TGM5: variants seen among roughly 807,000 people sequenced by gnomAD.
The protein encoded by TGM5 is protein-glutamine gamma-glutamyltransferase 5.
A neutral mutation model predicts 77.2 loss-of-function variants in TGM5; 69 were observed. The observed-to-expected ratio is 0.89, with a 90% CI of 0.74 to 1.09. The LOEUF (loss-of-function observed/expected upper bound fraction) is 1.09. Among genes scored for constraint, TGM5 ranks in the 50% least tolerant of loss-of-function variants. The probability of loss-of-function intolerance (pLI) is 0.00; values close to 1 mark genes in which losing one functional copy is unlikely to be tolerated. For synonymous variants in TGM5, 346 were observed against 351.8 expected, an observed-to-expected ratio of 0.98 and a Z score of 0.18; for missense variants, 842 against 896.5, an observed-to-expected ratio of 0.94 and a Z score of 0.78.
intron 3 of TGM5, among the ~76,000 whole-genome samples, chr15:43,259,579 C>T (rs943645306): frequency 6.6e-6 from 1 of 152,072 alleles, no homozygotes; most frequent in Admixed American, 6.5e-5. Context: ...TAAAACTACA[C>T]AAGAAAATGT....
At chr15:43,254,209 G>C (rs567161654) in intron 4 of TGM5, among the ~76,000 whole-genome samples, 4 of 152,148 alleles carry the variant, frequency 2.6e-5, no homozygotes, top group Non-Finnish European at 5.9e-5. Context: ...GGCCTTCCCC[G>C]AGCCTGAGCC....
rs1359332758 is a variant in TGM5, at chr15:43,235,773, A to G, written c.1410T>C (p.His470=). The part of the protein sequence containing the change: ...ALQKLKARSF[H]GSQRGAELQP... ...GCAACTCTGCTCCTCTTTGGGAGCC[A>G]TGGAAGCTTCTAGCCTTCAGCTTCT... The change falls in exon 10 of 13, where the codon CAT becomes CAC. Residue 470 remains histidine (H), a synonymous_variant. Coordinates refer to ENST00000220420, the MANE Select transcript of TGM5 (RefSeq NM_201631.4). The G allele has an allele frequency of 3.1e-6, 5 of 1,614,088 alleles. No homozygotes were observed. The highest frequency in any genetic ancestry group is 4.2e-6 in the Non-Finnish European group (5 of 1,180,032).
chr15:43,252,665 G>A, intron 6 of TGM5, 94 bp downstream of exon 6: 5 of 1,482,096 alleles, frequency 3.4e-6, no homozygotes, highest in Non-Finnish European at 4.7e-6. Context: ...CCCTTGGTGG[G>A]AACTGTGTGG....
chr15:43,259,950 C>T, intron 3 of TGM5, 102 bp downstream of exon 3: 2 of 1,563,528 alleles, frequency 1.3e-6, no homozygotes, highest in Non-Finnish European at 1.7e-6. Context: ...ATTGAGGAGG[C>T]TCTGGGTGGC....
Position 43,240,900 on chromosome 15 carries a change from T to A in TGM5, c.953A>T (p.Tyr318Phe), listed in dbSNP as rs1566830155. 1 of 1,614,208 alleles carries A rather than the reference T, an allele frequency of 6.2e-7. No individual in the cohort carries two copies. The highest frequency in any genetic ancestry group is 1.7e-5 in the Admixed American group (1 of 60,012). ...CCCCAAAATCCTGCCTGTGTTGTCA[T>A]AATACTCATCTATGATCAGGTTTCC... Reference protein sequence around the residue: ...TDGNLIIDEYYDNTGRILGNK... With the variant: ...TDGNLIIDEYFDNTGRILGNK... The change falls in exon 7 of 13, where the codon TAT becomes TTT. Residue 318 changes from tyrosine (Y) to phenylalanine (F), a missense_variant. Tyr to Phe is a conservative substitution (Grantham distance 22, BLOSUM62 3). This residue lies in a region of TGM5 where 815 missense variants were observed against 844.6 expected (regional missense o/e 0.96). Coordinates refer to ENST00000220420, the MANE Select transcript of TGM5 (RefSeq NM_201631.4).
chr15:43,254,930 C>A (rs1292721208), intron 4 of TGM5, among the ~76,000 whole-genome samples: 1 of 152,062 alleles, frequency 6.6e-6, no homozygotes, highest in African/African-American at 2.4e-5. Flanking sequence ...TGTCTGAGTC[C>A]GCATTACACT....
intron 4 of TGM5, among the ~76,000 whole-genome samples, chr15:43,256,349 C>G (rs959194935): frequency 6.6e-6 from 1 of 152,182 alleles, no homozygotes; most frequent in African/African-American, 2.4e-5. Context: ...CTGCCCTTAC[C>G]CTTAGCTCTT....
intron 11 of TGM5, among the ~76,000 whole-genome samples, chr15:43,234,315 C>A (rs775379068): frequency 6.6e-6 from 1 of 152,148 alleles, no homozygotes; most frequent in Non-Finnish European, 1.5e-5. Flanking sequence ...TCAGAGCAGG[C>A]GGGGTCCTCA....
rs769342742 is a variant in TGM5, at chr15:43,240,889, C to T, written c.964G>A (p.Gly322Ser). The T allele has an allele frequency of 1.9e-6, 3 of 1,614,036 alleles. No homozygotes were observed. The Admixed American group carries it at 5.0e-5, about 27-fold the overall frequency. ...TTCTTCTTATTCCCCAAAATCCTGC[C>T]TGTGTTGTCATAATACTCATCTATG... ...LIIDEYYDNTGRILGNKKKDT... is the reference protein window; with the variant it reads ...LIIDEYYDNTSRILGNKKKDT... The change falls in exon 7 of 13, where the codon GGC becomes AGC. Residue 322 changes from glycine (G) to serine (S), a missense_variant. Gly to Ser is a moderately conservative substitution (Grantham distance 56). This residue lies in a region of TGM5 where 815 missense variants were observed against 844.6 expected (regional missense o/e 0.96). Transcript: ENST00000220420.
intron 4 of TGM5, among the ~76,000 whole-genome samples, chr15:43,254,571 T>G (rs1013869418): frequency 2.0e-5 from 3 of 152,160 alleles, no homozygotes; most frequent in Middle Eastern, 3.2e-3. Flanking sequence ...TCTGACCTCC[T>G]TCAGAAGGCA....
In TGM5 at chr15:43,233,119, C is replaced by T. The variant is rs563897734; in HGVS notation, c.*72G>A. On this transcript the variant is annotated 3_prime_UTR_variant, in exon 13 of 13. Coordinates refer to ENST00000220420, the MANE Select transcript of TGM5 (RefSeq NM_201631.4). ...AAGCCTCTGTTGTGGTGGGGAATGGCGCAGCTTGCATTTGAACTTGCTCCT... is the reference window on the plus strand; with the variant it reads ...AAGCCTCTGTTGTGGTGGGGAATGGTGCAGCTTGCATTTGAACTTGCTCCT... 2.8e-5 allele frequency: 44 copies of T among 1,583,822 alleles called. No homozygotes were observed. In the South Asian group the frequency reaches 3.0e-4, roughly 11 times the overall value.
chr15:43,233,455 C>T (rs113048551), intron 12 of TGM5, 99 bp downstream of exon 12: 412 of 1,611,680 alleles, frequency 2.6e-4, no homozygotes, highest in Middle Eastern at 7.0e-4. Context: ...TTCCCTTCCC[C>T]GGTGTTGTGG....
At chr15:43,258,148 C>T (rs1596450478) in intron 3 of TGM5, among the ~76,000 whole-genome samples, 2 of 151,582 alleles carry the variant, frequency 1.3e-5, no homozygotes, top group East Asian at 3.9e-4. Context: ...TTAATGGGTG[C>T]AGCACACCAA....
chr15:43,239,782 CCA>C (rs551016967), intron 7 of TGM5: 50 of 185,258 alleles, frequency 2.7e-4, no homozygotes, highest in African/African-American at 1.1e-3. Context: ...GTGAAGGCTT[CCA>C]GAGTCCACTG....
intron 6 of TGM5, chr15:43,247,868 G>A (rs564239545): frequency 6.6e-6 from 1 of 152,228 alleles, no homozygotes; most frequent in African/African-American, 2.4e-5. Context: ...ATAAAATACT[G>A]CACAAAGATA....
At chr15:43,260,807 C>T (rs2042780482) in intron 1 of TGM5, 2 of 621,746 alleles carry the variant, frequency 3.2e-6, no homozygotes, top group Non-Finnish European at 5.8e-6. Context: ...TCCTATCTCT[C>T]TGACCCTCTA....
chr15:43,265,550 C>T (rs892419223), intron 1 of TGM5, among the ~76,000 whole-genome samples: 1 of 152,238 alleles, frequency 6.6e-6, no homozygotes, highest in Non-Finnish European at 1.5e-5. Context: ...AATGACTCTT[C>T]AGCCCAGGTG....
At chr15:43,241,807 T>G (rs1039897038) in intron 6 of TGM5, among the ~76,000 whole-genome samples, 1 of 151,910 alleles carries the variant, frequency 6.6e-6, no homozygotes, top group Non-Finnish European at 1.5e-5. Flanking sequence ...CTAATTTTTT[T>G]TTTTGTATTT....
At chr15:43,261,017 G>C (rs913245557) in intron 1 of TGM5, among the ~76,000 whole-genome samples, 5 of 148,652 alleles carry the variant, frequency 3.4e-5, no homozygotes, top group African/African-American at 1.2e-4. Flanking sequence ...CTGCTCCCTG[G>C]TTTAGTTGCC....
Sources: allele counts gnomAD v4.1 joint callset (sites outside exome capture counted in the v4.1 genomes callset), GRCh38; gene constraint gnomAD v4.1.1; regional missense constraint gnomAD v4.1.1; transcripts MANE v1.5; gene names NCBI Gene and HGNC (gene_info 2026-07-23, HGNC 2026-07-21).